C12orf42: variants seen among roughly 807,000 people sequenced by gnomAD.
The protein encoded by C12orf42 is uncharacterized protein C12orf42.
A neutral mutation model predicts 21.6 loss-of-function variants in C12orf42; 25 were observed. That is an observed-to-expected ratio of 1.16 (90% CI 0.84 to 1.62). The LOEUF is 1.62. Ranked by LOEUF, C12orf42 falls within the 40% of genes most tolerant of loss-of-function variation. The pLI is 0.00. For missense variants in C12orf42, 483 were observed against 459.3 expected, an observed-to-expected ratio of 1.05 and a Z score of -0.47; for synonymous variants, 174 against 175.0, an observed-to-expected ratio of 0.99 and a Z score of 0.05.
the C12orf42 span, among the ~76,000 whole-genome samples, chr12:103,099,176 C>T: frequency 6.6e-6 from 1 of 152,150 alleles, no homozygotes; most frequent in African/African-American, 2.4e-5. Context: ...GAAATATGAC[C>T]TGGATATTAA....
At chr12:103,383,125 T>C (rs2046324492) in intron 3 of C12orf42, among the ~76,000 whole-genome samples, 1 of 22,122 alleles carries the variant, frequency 4.5e-5, no homozygotes, top group East Asian at 7.4e-4. Flanking sequence ...ACTCATTCTT[T>C]TTTTTTTTTT....
chr12:103,207,195 G>A, the C12orf42 span, among the ~76,000 whole-genome samples: 1 of 152,222 alleles, frequency 6.6e-6, no homozygotes, highest in African/African-American at 2.4e-5. Flanking sequence ...AAATGGCAGA[G>A]AGCACAGCTG....
intron 4 of C12orf42, among the ~76,000 whole-genome samples, chr12:103,307,248 A>G (rs915095065): frequency 2.6e-5 from 4 of 152,210 alleles, no homozygotes; most frequent in African/African-American, 9.7e-5. Flanking sequence ...TGTCAACCCC[A>G]TAGCCCAATA....
At chr12:103,544,179 G>A in the C12orf42 span, among the ~76,000 whole-genome samples, 28 of 152,128 alleles carry the variant, frequency 1.8e-4, no homozygotes, top group African/African-American at 5.5e-4. Context: ...CACCGTGCCC[G>A]GCCTAGAATT....
the C12orf42 span, among the ~76,000 whole-genome samples, chr12:103,543,969 C>A: frequency 4.0e-5 from 6 of 151,380 alleles, no homozygotes; most frequent in Admixed American, 1.3e-4. Context: ...TCTCAGCTCA[C>A]TGCAAGTTCC....
intron 4 of C12orf42, among the ~76,000 whole-genome samples, chr12:103,280,256 A>G (rs2036022805): frequency 6.6e-6 from 1 of 152,190 alleles, no homozygotes; most frequent in South Asian, 2.1e-4. Context: ...AGGGATTCAC[A>G]TGTAATCCAG....
intron 1 of C12orf42, among the ~76,000 whole-genome samples, chr12:103,492,552 A>T (rs992642054): frequency 6.6e-6 from 1 of 152,134 alleles, no homozygotes; most frequent in African/African-American, 2.4e-5. Context: ...CATCCATTTG[A>T]TCATAATCTT....
the C12orf42 span, among the ~76,000 whole-genome samples, chr12:103,190,353 T>A: frequency 2.0e-5 from 3 of 151,736 alleles, no homozygotes; most frequent in African/African-American, 4.8e-5. Context: ...CTACTCACAG[T>A]GAGGGTAGGC....
At chr12:103,362,516 C>A (rs896765385) in intron 4 of C12orf42, among the ~76,000 whole-genome samples, 1 of 152,050 alleles carries the variant, frequency 6.6e-6, no homozygotes, top group Non-Finnish European at 1.5e-5. Flanking sequence ...AAACAAATCC[C>A]TTATTTACCT....
chr12:103,340,188 C>T lies in C12orf42; in HGVS notation c.259+28699G>A, dbSNP rs75648646. Among the ~76,000 whole-genome samples, 503 of 152,224 alleles carry T rather than the reference C, an allele frequency of 3.3e-3. 3 individuals carry two copies. Among genetic ancestry groups the T allele is most frequent in the African/African-American group, 0.011 (477 of 41,520 alleles). ...GGTGAAAAATACTAAGAGAAGAGCG[C>T]TAAAGAGAGTGAGTTCTCCAGGAGT... is the stretch of plus-strand genomic sequence containing the variant. On this transcript the variant is annotated intron_variant, in intron 4 of 5. Transcript: ENST00000548883.
the C12orf42 span, among the ~76,000 whole-genome samples, chr12:103,170,360 C>T: frequency 6.6e-6 from 1 of 152,268 alleles, no homozygotes; most frequent in Non-Finnish European, 1.5e-5. Flanking sequence ...TCCTCTGGAA[C>T]TTTCTCCTCC....
At chr12:103,379,178 CAA>C (rs2045952052) in intron 3 of C12orf42, among the ~76,000 whole-genome samples, 1 of 152,152 alleles carries the variant, frequency 6.6e-6, no homozygotes, top group Non-Finnish European at 1.5e-5. Flanking sequence ...AGGGGAAGCA[CAA>C]AGTTACTATC....
intron 3 of C12orf42, among the ~76,000 whole-genome samples, chr12:103,381,623 A>AT (rs1345853206): frequency 6.6e-6 from 1 of 152,120 alleles, no homozygotes; most frequent in Non-Finnish European, 1.5e-5. Flanking sequence ...ACTTGGGCAA[A>AT]TTGCTTTATC....
intron 2 of C12orf42, among the ~76,000 whole-genome samples, chr12:103,465,760 A>G (rs2137765716): frequency 6.6e-6 from 1 of 152,204 alleles, no homozygotes; most frequent in African/African-American, 2.4e-5. Context: ...TCTCATTTTG[A>G]GGTATGTTCC....
chr12:103,539,369 T>C, the C12orf42 span, among the ~76,000 whole-genome samples: 1 of 152,026 alleles, frequency 6.6e-6, no homozygotes, highest in African/African-American at 2.4e-5. Context: ...GTTCTTTTTT[T>C]TTTAATAAGG....
chr12:103,309,588 G>A (rs1030503148), intron 4 of C12orf42, among the ~76,000 whole-genome samples: 18 of 151,910 alleles, frequency 1.2e-4, no homozygotes, highest in Admixed American at 8.5e-4. Context: ...TTGTTCAAAG[G>A]TCAATCGTAA....
At chr12:103,070,022 G>A in the C12orf42 span, among the ~76,000 whole-genome samples, 1 of 152,168 alleles carries the variant, frequency 6.6e-6, no homozygotes, top group African/African-American at 2.4e-5. Flanking sequence ...CACCTGGGGT[G>A]CTTACTGATG....
At chr12:103,427,464 C>T (rs1949930208) in intron 2 of C12orf42, among the ~76,000 whole-genome samples, 1 of 151,890 alleles carries the variant, frequency 6.6e-6, no homozygotes, top group East Asian at 1.9e-4. Flanking sequence ...TACAGAGGCA[C>T]CCAGATTCAT....
the C12orf42 span, among the ~76,000 whole-genome samples, chr12:103,172,131 G>A: frequency 6.6e-6 from 1 of 151,948 alleles, no homozygotes; most frequent in Non-Finnish European, 1.5e-5. Context: ...TCAAATTTTA[G>A]GCAGGAGGGA....
Sources: gnomAD v4.1 joint callset for allele counts (sites outside exome capture counted in the v4.1 genomes callset) on GRCh38, gnomAD v4.1.1 for gene constraint, MANE v1.5 for transcripts, NCBI Gene and HGNC (gene_info 2026-07-23, HGNC 2026-07-21) for gene names.